EYS: variants seen among roughly 807,000 people sequenced by gnomAD.
EYS encodes the protein EGF-like photoreceptor maintenance factor.
A neutral mutation model predicts 282.1 loss-of-function variants in EYS; 250 were observed. The observed-to-expected ratio is 0.89, with a 90% CI of 0.80 to 0.98. The LOEUF is 0.98. EYS is among the 50% of genes least tolerant of loss of function. The pLI is 0.00. For synonymous variants in EYS, 1,355 were observed against 1,282.9 expected (o/e 1.06, Z -1.20); for missense variants, 4,016 against 3,709.0 (o/e 1.08, Z -2.15).
intron 13 of EYS, among the ~76,000 whole-genome samples, chr6:65,000,321 T>C (rs1033613438): frequency 6.6e-6 from 1 of 152,244 alleles, no homozygotes; most frequent in Non-Finnish European, 1.5e-5. Flanking sequence ...TACTACTATT[T>C]TGAGGCCAAA....
intron 42 of EYS, among the ~76,000 whole-genome samples, chr6:63,726,123 C>A (rs1475593665): frequency 6.6e-6 from 1 of 152,076 alleles, no homozygotes; most frequent in Admixed American, 6.6e-5. Flanking sequence ...GATGACAGAA[C>A]AACTTAAAGA....
At chr6:65,179,881 G>C (rs1352620789) in intron 12 of EYS, among the ~76,000 whole-genome samples, 3 of 152,014 alleles carry the variant, frequency 2.0e-5, no homozygotes, top group African/African-American at 7.2e-5. Context: ...CTTCATCCCT[G>C]GGATGCAAGG....
chr6:65,027,830 G>C (rs1772467878), intron 13 of EYS, among the ~76,000 whole-genome samples: 1 of 151,974 alleles, frequency 6.6e-6, no homozygotes, highest in East Asian at 1.9e-4. Flanking sequence ...TGCATTTATT[G>C]GTGAATACGT....
rs555696553 is a variant in EYS at position 64,657,746 on chromosome 6, C to A, written c.3444-31501G>T. On this transcript the variant is annotated intron_variant, in intron 22 of 42. Coordinates refer to ENST00000503581, the MANE Select transcript of EYS (RefSeq NM_001142800.2). The stretch of plus-strand genomic sequence containing the variant: ...TCAGCTGTTAGTCTGATGGGCTTCC[C>A]CTTGTAGGTAACCCAACCTTTCTCT... Among the ~76,000 whole-genome samples the A allele has an allele frequency of 5.3e-5, 8 of 152,286 alleles. 1 individual carries two copies. In the South Asian group the frequency reaches 1.7e-3, roughly 32 times the overall value.
intron 19 of EYS, among the ~76,000 whole-genome samples, chr6:64,855,694 C>A (rs1766037987): frequency 1.3e-5 from 2 of 152,064 alleles, no homozygotes; most frequent in South Asian, 4.1e-4. Context: ...TGGGTTTTCA[C>A]AATTGCATGA....
chr6:65,656,610 A>G (rs1767840290), intron 1 of EYS, among the ~76,000 whole-genome samples: 1 of 151,934 alleles, frequency 6.6e-6, no homozygotes, highest in African/African-American at 2.4e-5. Context: ...GTAACTGGGA[A>G]GTCATTACCT....
chr6:65,503,191 T>C lies in EYS; in HGVS notation c.-332-7198A>G, dbSNP rs1766519694. On this transcript the variant is annotated intron_variant, in intron 2 of 42. Coordinates refer to ENST00000503581, the MANE Select transcript of EYS (RefSeq NM_001142800.2). ...AAATAGGTATTTACTGGTATCTCAT[T>C]GTTGCTTGCTTAAATTTCTAATGAC... Among the ~76,000 whole-genome samples the C allele has an allele frequency of 2.0e-5, 3 of 151,726 alleles. No homozygotes were observed. In the South Asian group the frequency reaches 6.2e-4, roughly 31 times the overall value.
intron 19 of EYS, among the ~76,000 whole-genome samples, chr6:64,885,743 T>C (rs959550092): frequency 2.0e-5 from 3 of 151,796 alleles, no homozygotes; most frequent in Non-Finnish European, 4.4e-5. Context: ...CATCAAGATT[T>C]CTCAGGAAAG....
intron 8 of EYS, among the ~76,000 whole-genome samples, chr6:65,363,307 C>T (rs1764785123): frequency 6.6e-6 from 1 of 151,838 alleles, no homozygotes; most frequent in Non-Finnish European, 1.5e-5. Context: ...CCCTATTTTC[C>T]TTTCCCAGCT....
At chr6:64,098,939 C>A (rs1232576921) in intron 31 of EYS, among the ~76,000 whole-genome samples, 1 of 152,098 alleles carries the variant, frequency 6.6e-6, no homozygotes, top group Admixed American at 6.6e-5. Context: ...AGCGGGCATA[C>A]AAATTATTGT....
At chr6:63,768,926 T>C (rs1369565604) in intron 40 of EYS, among the ~76,000 whole-genome samples, 2 of 152,054 alleles carry the variant, frequency 1.3e-5, no homozygotes, top group African/African-American at 2.4e-5. Flanking sequence ...TGAAGAAACA[T>C]GAATGCAGCT....
intron 30 of EYS, among the ~76,000 whole-genome samples, chr6:64,296,583 T>TATATATATATATAC (rs1769021124): frequency 2.6e-4 from 2 of 7,742 alleles, no homozygotes; most frequent in African/African-American, 8.1e-4. Flanking sequence ...TATATATATA[T>TATATATATATATAC]ACATATATAT....
chr6:65,586,919 G>T (rs201822984), intron 2 of EYS, among the ~76,000 whole-genome samples: 1 of 151,716 alleles, frequency 6.6e-6, no homozygotes, highest in Admixed American at 6.6e-5. Flanking sequence ...TTTTTTCTTA[G>T]ATGTCAAACA....
chr6:64,489,446 C>T (rs576366693), intron 26 of EYS, among the ~76,000 whole-genome samples: 163 of 149,142 alleles, frequency 1.1e-3, no homozygotes, highest in African/African-American at 3.9e-3. Context: ...TAAATAAATC[C>T]ATTTACTAGT....
Position 65,596,054 on chromosome 6 carries a change from C to T in EYS, c.-333+43724G>A, listed in dbSNP as rs73742018. On this transcript the variant is annotated intron_variant, in intron 2 of 42. Transcript: ENST00000503581. ...ATGAATTGATATCTCTCATCAACAG[C>T]CGGTAAAATTCTGAGGCCTGCCTAT... 8.5e-3 allele frequency among the ~76,000 whole-genome samples: 1,293 copies of T among 152,094 alleles called. 14 individuals carry two copies. The highest frequency in any genetic ancestry group is 0.029 in the African/African-American group (1,211 of 41,506).
At chr6:64,950,012 G>T (rs550398932) in intron 14 of EYS, among the ~76,000 whole-genome samples, 1 of 151,948 alleles carries the variant, frequency 6.6e-6, no homozygotes, top group South Asian at 2.1e-4. Flanking sequence ...ACCACGATTG[G>T]CTCAAACCTA....
chr6:65,437,829 C>A (rs1768132767), intron 5 of EYS, among the ~76,000 whole-genome samples: 1 of 151,570 alleles, frequency 6.6e-6, no homozygotes, highest in Admixed American at 6.6e-5. Context: ...CAAATTTAAA[C>A]ATTCATATTT....
intron 35 of EYS, among the ~76,000 whole-genome samples, chr6:63,900,917 T>C (rs996701519): frequency 1.3e-5 from 2 of 152,052 alleles, no homozygotes; most frequent in African/African-American, 4.8e-5. Context: ...AACCGTGAGG[T>C]GGAAAATAGA....
At chr6:65,254,180 C>A (rs1340406483) in intron 12 of EYS, among the ~76,000 whole-genome samples, 1 of 151,742 alleles carries the variant, frequency 6.6e-6, no homozygotes, top group Non-Finnish European at 1.5e-5. Flanking sequence ...TTGAGTATTG[C>A]TCTTTTATAA....
Sources: allele counts gnomAD v4.1 joint callset (sites outside exome capture counted in the v4.1 genomes callset), GRCh38; gene constraint gnomAD v4.1.1; transcripts MANE v1.5; gene names NCBI Gene and HGNC (gene_info 2026-07-23, HGNC 2026-07-21).